The following ZNF521 variants were observed in gnomAD, a reference collection of about 807,000 sequenced individuals.
The protein encoded by ZNF521 is LYST-interacting protein 3.
Under a neutral mutation model 105.5 loss-of-function variants are expected in ZNF521, and 14 were observed. The observed-to-expected ratio is 0.13, with a 90% confidence interval of 0.09 to 0.21. The LOEUF (loss-of-function observed/expected upper bound fraction) is 0.21, where lower values mean the gene tolerates loss of function less well. Among genes scored for constraint, ZNF521 ranks in the 10% least tolerant of loss-of-function variants. The pLI, the probability that ZNF521 is intolerant of heterozygous loss-of-function variation, is 1.00. For missense variants in ZNF521, 1,233 were observed against 1,629.7 expected, an observed-to-expected ratio of 0.76 and a Z score of 4.19; for synonymous variants, 635 against 606.0, an observed-to-expected ratio of 1.05 and a Z score of -0.70.
chr18:25,234,820 G>C (rs1906771983), intron 3 of ZNF521, among the ~76,000 whole-genome samples: 1 of 151,652 alleles, frequency 6.6e-6, no homozygotes, highest in South Asian at 2.1e-4. Flanking sequence ...ATGACTTAAA[G>C]GGCATTTCTG....
intron 4 of ZNF521, chr18:25,202,302 A>G (rs930770934): frequency 1.4e-4 from 21 of 152,260 alleles, no homozygotes; most frequent in Non-Finnish European, 1.5e-4. Flanking sequence ...CTACAATACC[A>G]TAAGAATAAT....
chr18:25,155,601 T>C (rs1022591233), intron 5 of ZNF521, among the ~76,000 whole-genome samples: 1 of 152,172 alleles, frequency 6.6e-6, no homozygotes, highest in African/African-American at 2.4e-5. Flanking sequence ...TTGTGTACAG[T>C]GTAAGATAAG....
chr18:25,294,514 A>G (rs1371461365), intron 3 of ZNF521, among the ~76,000 whole-genome samples: 3 of 152,204 alleles, frequency 2.0e-5, no homozygotes, highest in Non-Finnish European at 2.9e-5. Context: ...ACGAAAATGT[A>G]CATGGCAAAC....
intron 3 of ZNF521, among the ~76,000 whole-genome samples, chr18:25,286,859 C>T (rs532553767): frequency 1.1e-4 from 17 of 152,258 alleles, no homozygotes; most frequent in African/African-American, 4.1e-4. Flanking sequence ...ACAAGATCCT[C>T]GGACTCCCTG....
intron 5 of ZNF521, among the ~76,000 whole-genome samples, chr18:25,123,258 A>T (rs1319873919): frequency 6.6e-6 from 1 of 151,930 alleles, no homozygotes; most frequent in Non-Finnish European, 1.5e-5. Flanking sequence ...TCGTCAGGGA[A>T]CTGTTGTAAA....
chr18:25,265,863 G>C (rs186048281), intron 3 of ZNF521, among the ~76,000 whole-genome samples: 2 of 152,144 alleles, frequency 1.3e-5, no homozygotes, highest in African/African-American at 4.8e-5. Context: ...CATAAAAAAA[G>C]AATAAGATCC....
At chr18:25,230,486 G>A (rs1906461927) in intron 3 of ZNF521, among the ~76,000 whole-genome samples, 1 of 152,174 alleles carries the variant, frequency 6.6e-6, no homozygotes, top group Admixed American at 6.5e-5. Flanking sequence ...CTAAGACTTT[G>A]AGAGTTATCC....
intron 5 of ZNF521, among the ~76,000 whole-genome samples, chr18:25,099,237 A>C (rs2033915690): frequency 6.6e-6 from 1 of 152,210 alleles, no homozygotes; most frequent in African/African-American, 2.4e-5. Flanking sequence ...ATTTAATTTC[A>C]TCAGAATAAA....
intron 5 of ZNF521, among the ~76,000 whole-genome samples, chr18:25,193,894 T>G (rs1275485269): frequency 1.3e-5 from 2 of 151,912 alleles, no homozygotes; most frequent in African/African-American, 4.8e-5. Flanking sequence ...AATAAGCTCT[T>G]AGTCATTTAT....
chr18:25,084,476 T>C (rs530660164), intron 7 of ZNF521, among the ~76,000 whole-genome samples: 38 of 151,080 alleles, frequency 2.5e-4, no homozygotes, highest in African/African-American at 8.0e-4. Context: ...CAAATAGCTA[T>C]AGTGACAATT....
rs1227806828 is a variant in ZNF521 at position 25,351,872 on chromosome 18, T to TCGGCAGCGGCGG, written c.-2+121_-2+132dup. On this transcript the variant is annotated intron_variant, in intron 1 of 7. Transcript: ENST00000361524. Reference sequence around the variant, plus strand: ...CGGGGCTCTAAAGTCTACGGCTGCCTCGGCAGCGGCGGCGGCAGCAGCGGC... The same window carrying TCGGCAGCGGCGG: ...CGGGGCTCTAAAGTCTACGGCTGCCTCGGCAGCGGCGGCGGCAGCGGCGGCGGCAGCAGCGGC... 121 of 268,152 alleles carry TCGGCAGCGGCGG rather than the reference T, an allele frequency of 4.5e-4. 22 individuals carry two copies. In the East Asian group the frequency reaches 7.6e-3, roughly 17 times the overall value. 16.6% of individuals were successfully genotyped at this position (268,152 alleles called of 1,614,324 possible). A position where few individuals can be genotyped will look rare whatever the true frequency, so the allele number is the denominator to read the frequency against.
chr18:25,142,173 G>T (rs1238096192), intron 5 of ZNF521, among the ~76,000 whole-genome samples: 1 of 152,032 alleles, frequency 6.6e-6, no homozygotes, highest in African/African-American at 2.4e-5. Context: ...AGTCACAGAA[G>T]CACAGCACCT....
chr18:25,265,079 A>T (rs1284766029), intron 3 of ZNF521, among the ~76,000 whole-genome samples: 3 of 152,194 alleles, frequency 2.0e-5, no homozygotes, highest in Non-Finnish European at 4.4e-5. Flanking sequence ...CCCTTCTAAA[A>T]CTGTGTTGGT....
At chr18:25,091,135 C>T (rs2033735980) in intron 6 of ZNF521, among the ~76,000 whole-genome samples, 1 of 152,130 alleles carries the variant, frequency 6.6e-6, no homozygotes, top group Admixed American at 6.5e-5. Flanking sequence ...AGAAGTCATC[C>T]TTGAGAGAAG....
At chr18:25,350,035 G>A in intron 2 of ZNF521, among the ~76,000 whole-genome samples, 1 of 151,924 alleles carries the variant, frequency 6.6e-6, no homozygotes, top group South Asian at 2.1e-4. Flanking sequence ...GGAGGAGGCG[G>A]CCGAGGAGGA....
intron 2 of ZNF521, among the ~76,000 whole-genome samples, chr18:25,342,405 T>A (rs1460557150): frequency 2.8e-5 from 3 of 105,592 alleles, no homozygotes; most frequent in Non-Finnish European, 6.0e-5. Flanking sequence ...TTTTCTTTCC[T>A]TTGTTTTTTT....
At chr18:25,207,417 C>T (rs749640797) in intron 4 of ZNF521, among the ~76,000 whole-genome samples, 5 of 152,130 alleles carry the variant, frequency 3.3e-5, no homozygotes, top group Non-Finnish European at 5.9e-5. Context: ...ACTCCAGGAC[C>T]GACTCTCCAG....
chr18:25,267,091 G>A (rs1481857445), intron 3 of ZNF521, among the ~76,000 whole-genome samples: 1 of 152,134 alleles, frequency 6.6e-6, no homozygotes, highest in Non-Finnish European at 1.5e-5. Flanking sequence ...CTTGGTGGGG[G>A]GAGGGGCGTC....
chr18:25,244,950 T>C (rs1003042936), intron 3 of ZNF521, among the ~76,000 whole-genome samples: 1 of 152,230 alleles, frequency 6.6e-6, no homozygotes, highest in Non-Finnish European at 1.5e-5. Context: ...CACTGCTCCA[T>C]TGGAAAATGT....
Sources: allele counts gnomAD v4.1 joint callset (sites outside exome capture counted in the v4.1 genomes callset), GRCh38; gene constraint gnomAD v4.1.1; transcripts MANE v1.5; gene names NCBI Gene and HGNC (gene_info 2026-07-23, HGNC 2026-07-21).